Variants in LOXL4 observed in about 807,000 individuals in gnomAD.
LOXL4 encodes the protein lysyl oxidase like 4.
A neutral mutation model predicts 89.1 loss-of-function variants in LOXL4; 72 were observed. The observed-to-expected ratio is 0.81, with a 90% confidence interval of 0.67 to 0.98. LOXL4 has a LOEUF of 0.98. Among genes scored for constraint, LOXL4 ranks in the 50% least tolerant of loss-of-function variants. The pLI is 0.00. For missense variants in LOXL4, 984 were observed against 1,017.5 expected (o/e 0.97, Z 0.45); for synonymous variants, 355 against 392.1 (o/e 0.91, Z 1.12).
intron 8 of LOXL4, 83 bp downstream of exon 8, chr10:98,257,567 C>T: frequency 6.7e-7 from 1 of 1,495,674 alleles, no homozygotes; most frequent in Non-Finnish European, 9.0e-7. Context: ...TGGACCTCTC[C>T]CCGCTAGCTC....
Position 98,253,557 on chromosome 10 carries a change from G to A in LOXL4, c.1831C>T (p.His611Tyr). ...AATGCATGGGCAGGCTCTAACCTGT[G>A]GCACTGGTGCCAAACCCAGCTATCG... ...GRDSWVWHQC[H>Y]RHYHSIEVFT... is the part of the protein sequence containing the mutation. The change falls in exon 11 of 15, where the codon CAC becomes TAC. Residue 611 changes from histidine (H) to tyrosine (Y), a missense_variant. Transcript: ENST00000260702. The A allele has an allele frequency of 6.2e-7, 1 of 1,614,256 alleles. No homozygotes were observed. The highest frequency in any genetic ancestry group is 8.5e-7 in the Non-Finnish European group (1 of 1,180,050).
At chr10:98,252,537 GA>G in intron 11 of LOXL4, 69 bp from the exon 12 acceptor site, 4 of 1,077,096 alleles carry the variant, frequency 3.7e-6, no homozygotes, top group Non-Finnish European at 5.7e-6. Context: ...GGCTGGTAGG[GA>G]AGACAGGCCC....
rs777154848 is a variant in LOXL4 at position 98,258,961 on chromosome 10, G to T, written c.921+48C>A. The T allele has an allele frequency of 2.2e-5, 32 of 1,446,076 alleles. No individual in the cohort carries two copies. In the Admixed American group the frequency reaches 2.6e-4, roughly 12 times the overall value. 89.6% of individuals were successfully genotyped at this position (1,446,076 alleles called of 1,614,324 possible). ...CGCACCCCCCACCAGGCAGTGTCCC[G>T]CCCGTGCCTCCAAGCTGTGGTGTGA... On this transcript the variant is annotated intron_variant, in intron 6 of 14. Coordinates refer to ENST00000260702, the MANE Select transcript of LOXL4 (RefSeq NM_032211.7).
intron 6 of LOXL4, among the ~76,000 whole-genome samples, chr10:98,258,587 G>A (rs1055588152): frequency 6.6e-6 from 1 of 151,560 alleles, no homozygotes; most frequent in Non-Finnish European, 1.5e-5. Flanking sequence ...TCAGTGTGGC[G>A]CTGAGGCATC....
At position 98,255,614 on chromosome 10, in the gene LOXL4, A is replaced by G; in HGVS notation, c.1554T>C (p.Gly518=). The stretch of plus-strand genomic sequence containing the variant: ...AGACTCCAGCCAGGAAGCGCCCGCC[A>G]CCGTGGGAGCAGTGCACCGGCCCGT... ...QRHGPVHCSH[G]GGRFLAGVSC... The change falls in exon 10 of 15, where the codon GGT becomes GGC. Residue 518 remains glycine (G), a synonymous_variant. Transcript: ENST00000260702. The G allele has an allele frequency of 6.2e-7, 1 of 1,611,610 alleles. No homozygotes were observed. Among genetic ancestry groups the G allele is most frequent in the South Asian group, 1.1e-5 (1 of 91,014 alleles).
chr10:98,268,138 G>C lies in LOXL4; in HGVS notation c.-39C>G, dbSNP rs904004425. 2 of 152,348 alleles carry C rather than the reference G, an allele frequency of 1.3e-5. No homozygotes were observed. The highest frequency in any genetic ancestry group is 1.5e-5 in the Non-Finnish European group (1 of 68,252). The allele number at this position is 152,348 out of a possible 1,614,324, so 9.4% of individuals were successfully genotyped here. On this transcript the variant is annotated 5_prime_UTR_variant, in exon 1 of 15. Transcript: ENST00000260702. The stretch of plus-strand genomic sequence containing the variant: ...CGGCCAGGCGGGGGCTCACCAGATG[G>C]AGCGCGGACAGTCCGGGGCTGGGCG...
intron 14 of LOXL4, 59 bp from the exon 15 acceptor site, chr10:98,249,050 A>G (rs368700471): frequency 1.5e-6 from 2 of 1,353,218 alleles, no homozygotes; most frequent in Non-Finnish European, 2.1e-6. Flanking sequence ...CCCTTCCCTG[A>G]CAACTTACAT....
chr10:98,254,853 G>T (rs554978779), intron 10 of LOXL4, among the ~76,000 whole-genome samples: 49 of 152,304 alleles, frequency 3.2e-4, no homozygotes, highest in African/African-American at 1.1e-3. Flanking sequence ...TCTCCCCAGG[G>T]TGCCCTGGAC....
At chr10:98,263,718 TTC>T (rs1858607961) in intron 1 of LOXL4, among the ~76,000 whole-genome samples, 1 of 151,122 alleles carries the variant, frequency 6.6e-6, no homozygotes, top group Admixed American at 6.6e-5. Flanking sequence ...TCTTTCTTTT[TTC>T]TTTCTTTCTT....
At chr10:98,260,641 C>T (rs1858509418) in intron 4 of LOXL4, among the ~76,000 whole-genome samples, 1 of 152,120 alleles carries the variant, frequency 6.6e-6, no homozygotes, top group Non-Finnish European at 1.5e-5. Context: ...AATCTGGGCA[C>T]ATTCCTCAGT....
At chr10:98,254,640 G>A (rs186385891) in intron 10 of LOXL4, among the ~76,000 whole-genome samples, 1 of 152,366 alleles carries the variant, frequency 6.6e-6, no homozygotes, top group Non-Finnish European at 1.5e-5. Flanking sequence ...TTGGCTGACT[G>A]TGCCAAGTTG....
intron 9 of LOXL4, 27 bp from the exon 10 acceptor site, chr10:98,255,766 T>A (rs1487992055): frequency 6.3e-7 from 1 of 1,597,018 alleles, no homozygotes; most frequent in South Asian, 1.1e-5. Flanking sequence ...CGTCACCCAG[T>A]CAGCGTGCCT....
intron 1 of LOXL4, among the ~76,000 whole-genome samples, chr10:98,265,803 G>A (rs986482418): frequency 5.9e-5 from 9 of 152,132 alleles, no homozygotes; most frequent in East Asian, 1.9e-4. Context: ...GGCCACGTCC[G>A]ATCTCAACTG....
chr10:98,251,237 G>T (rs1364991307), intron 13 of LOXL4, 61 bp from the exon 14 acceptor site: 19 of 1,236,802 alleles, frequency 1.5e-5, no homozygotes, highest in Non-Finnish European at 2.3e-5. Context: ...AGTTGACTGT[G>T]GCTGTGATAA....
At position 98,249,528 on chromosome 10, in the gene LOXL4, A is replaced by G. The variant is rs77993517; in HGVS notation, c.2201-537T>C. On this transcript the variant is annotated intron_variant, in intron 14 of 14. Transcript: ENST00000260702. Reference sequence around the variant, plus strand: ...TTGCCCCTCTTCAAGCCTAAAGCAGATAACGGTTTTCTACTTTCTTTATGC... The same window carrying G: ...TTGCCCCTCTTCAAGCCTAAAGCAGGTAACGGTTTTCTACTTTCTTTATGC... Among the ~76,000 whole-genome samples the G allele has an allele frequency of 2.8e-3, 422 of 152,312 alleles. 14 individuals are homozygous for G. In the East Asian group the frequency reaches 0.06, roughly 22 times the overall value.
intron 1 of LOXL4, among the ~76,000 whole-genome samples, chr10:98,266,892 C>T (rs1858699110): frequency 6.6e-6 from 1 of 152,168 alleles, no homozygotes; most frequent in African/African-American, 2.4e-5. Flanking sequence ...CTCCACCTGT[C>T]TGTTCCCCTA....
chr10:98,263,099 T>G (rs1011342301), intron 1 of LOXL4, 48 bp from the exon 2 acceptor site: 1 of 1,507,148 alleles, frequency 6.6e-7, no homozygotes, highest in African/African-American at 1.4e-5. Flanking sequence ...TACCCAGATC[T>G]CAGACCTCTG....
chr10:98,255,601 G>A lies in LOXL4; in HGVS notation c.1567C>T (p.Leu523=), dbSNP rs909693905. ...VHCSHGGGRF[L]AGVSCMDSAP... ...CTGTCCATGCAGGAGACTCCAGCCA[G>A]GAAGCGCCCGCCACCGTGGGAGCAG... Residue 523 remains leucine, a synonymous_variant, in exon 10 of 15, where the codon CTG becomes TTG. Transcript: ENST00000260702. 1.2e-6 allele frequency: 2 copies of A among 1,610,524 alleles called. No homozygotes were observed. The highest frequency in any genetic ancestry group is 1.7e-6 in the Non-Finnish European group (2 of 1,177,208).
At chr10:98,257,894 G>A (rs190460417) in intron 7 of LOXL4, 87 bp downstream of exon 7, 31 of 1,580,606 alleles carry the variant, frequency 2.0e-5, no homozygotes, top group Middle Eastern at 1.7e-4. Context: ...ATAACTTTCT[G>A]TCCTGGCCCT....
Sources: gnomAD v4.1 joint callset for allele counts (sites outside exome capture counted in the v4.1 genomes callset) on GRCh38, gnomAD v4.1.1 for gene constraint, MANE v1.5 for transcripts, NCBI Gene and HGNC (gene_info 2026-07-23, HGNC 2026-07-21) for gene names.